PIBF1: variants seen among roughly 807,000 people sequenced by gnomAD.
PIBF1 encodes the protein progesterone immunomodulatory binding factor 1, also known as progesterone-induced-blocking factor 1.
Under a neutral mutation model 112.5 loss-of-function variants are expected in PIBF1, and 90 were observed. That is an observed-to-expected ratio of 0.80 (90% CI 0.67 to 0.95). The LOEUF (loss-of-function observed/expected upper bound fraction) is 0.95, where lower values mean the gene tolerates loss of function less well. Ranked by LOEUF, PIBF1 falls within the 40% of genes least tolerant of loss-of-function variation. The pLI is 0.00. For missense variants in PIBF1, 915 were observed against 852.3 expected (o/e 1.07, Z -0.92); for synonymous variants, 301 against 288.6 (o/e 1.04, Z -0.44).
At chr13:72,850,386 T>A (rs142943799) in intron 9 of PIBF1, among the ~76,000 whole-genome samples, 11 of 152,386 alleles carry the variant, frequency 7.2e-5, no homozygotes, top group African/African-American at 2.6e-4. Context: ...CTTCTCTTTG[T>A]GGCCATAGAA....
intron 8 of PIBF1, among the ~76,000 whole-genome samples, chr13:72,833,649 T>G (rs909968324): frequency 6.6e-6 from 1 of 152,178 alleles, no homozygotes; most frequent in Admixed American, 6.5e-5. Flanking sequence ...ACCTGCCAGA[T>G]GCCAACCAGA....
At chr13:73,004,961 G>T (rs1424906302) in intron 17 of PIBF1, among the ~76,000 whole-genome samples, 2 of 152,290 alleles carry the variant, frequency 1.3e-5, no homozygotes, top group South Asian at 4.1e-4. Flanking sequence ...AAGGTGTGGG[G>T]ATCACCTGAG....
Position 72,821,861 on chromosome 13 carries a change from G to C in PIBF1, c.685G>C (p.Asp229His). The C allele has an allele frequency of 1.9e-6, 3 of 1,611,222 alleles. No individual in the cohort carries two copies. The highest frequency in any genetic ancestry group is 2.5e-6 in the Non-Finnish European group (3 of 1,178,420). ...CTTTGGTTTATAGACATATGAGGAA[G>C]ATCGAAAAAACTACTCTGAAGTTCA... is the stretch of plus-strand genomic sequence containing the variant. ...LKQLTETYEE[D>H]RKNYSEVQIR... The change falls in exon 6 of 18, where the codon GAT (aspartate) becomes CAT (histidine). Residue 229 changes from aspartate to histidine, a missense_variant. By Grantham distance (81) the Asp-to-His change is moderately conservative (BLOSUM62 -1). Coordinates refer to ENST00000326291, the MANE Select transcript of PIBF1 (RefSeq NM_006346.4).
intron 13 of PIBF1, among the ~76,000 whole-genome samples, chr13:72,922,190 C>G (rs1017254350): frequency 1.3e-5 from 2 of 151,962 alleles, no homozygotes; most frequent in African/African-American, 4.8e-5. Context: ...GTTGCCCAGG[C>G]TGGTCTGGAG....
At chr13:72,861,375 A>G (rs957126073) in intron 10 of PIBF1, among the ~76,000 whole-genome samples, 2 of 152,242 alleles carry the variant, frequency 1.3e-5, no homozygotes, top group Admixed American at 1.3e-4. Context: ...ATTGTTTGAA[A>G]TTATGTTTTC....
At chr13:72,858,023 T>TTGCTTTGTGTGTGTGTGTGTGTGTG (rs71099760) in intron 10 of PIBF1, among the ~76,000 whole-genome samples, 6 of 141,222 alleles carry the variant, frequency 4.2e-5, no homozygotes, top group African/African-American at 1.6e-4. Context: ...CAAATGTACA[T>TTGCTTTGTGTGTGTGTGTGTGTGTG]TGTGTGTGTG....
chr13:72,949,300 C>CTTTTTTTTTTTTTTTTTTTTT (rs71099771), intron 14 of PIBF1, among the ~76,000 whole-genome samples: 4 of 54,980 alleles, frequency 7.3e-5, no homozygotes, highest in Non-Finnish European at 9.5e-5. Context: ...AAATAGCTGT[C>CTTTTTTTTTTTTTTTTTTTTT]TTTTTTTTTT....
intron 10 of PIBF1, among the ~76,000 whole-genome samples, chr13:72,878,653 G>T (rs1372094278): frequency 1.3e-5 from 2 of 152,152 alleles, no homozygotes; most frequent in African/African-American, 4.8e-5. Context: ...TTGATTGGTG[G>T]TGTTGAATTC....
In PIBF1 at chr13:72,983,180, G is replaced by GT. The variant is rs149104932; in HGVS notation, c.2049+9506dup. ...CCTAGCATGGTGGCACAAACCTGTA[G>GT]TACCAGCTACTCGGTTGGCTGTTGT... On this transcript the variant is annotated intron_variant, in intron 16 of 17. Coordinates refer to ENST00000326291, the MANE Select transcript of PIBF1 (RefSeq NM_006346.4). Among the ~76,000 whole-genome samples the GT allele has an allele frequency of 7.0e-3, 1,071 of 152,116 alleles. 15 individuals carry two copies. The highest frequency in any genetic ancestry group is 0.025 in the African/African-American group (1,033 of 41,504).
intron 11 of PIBF1, among the ~76,000 whole-genome samples, chr13:72,895,497 A>G (rs1431244505): frequency 6.6e-6 from 1 of 151,936 alleles, no homozygotes; most frequent in Non-Finnish European, 1.5e-5. Flanking sequence ...TTTCCAAGAA[A>G]TGAAATGCAA....
At chr13:72,988,069 G>A (rs1045576340) in intron 16 of PIBF1, among the ~76,000 whole-genome samples, 1 of 150,792 alleles carries the variant, frequency 6.6e-6, no homozygotes, top group Middle Eastern at 3.2e-3. Flanking sequence ...CACCATGCTG[G>A]CCAGGATGGT....
rs777287638 is a variant in PIBF1 at position 72,908,675 on chromosome 13, G to T, written c.1633G>T (p.Ala545Ser). 2 of 1,610,530 alleles carry T rather than the reference G, an allele frequency of 1.2e-6. No individual in the cohort carries two copies. The highest frequency in any genetic ancestry group is 1.7e-6 in the Non-Finnish European group (2 of 1,178,518). ...GCTTGATGAAATAATAATGCAAACT[G>T]CAGAAAGTAAGTCTTCCCCCACACA... ...KELDEIIMQT[A>S]EIENEDEAER... is the part of the protein sequence containing the mutation. Residue 545 changes from alanine to serine, a missense_variant, in exon 12 of 18, where the codon GCA (alanine) becomes TCA (serine). Physicochemically the swap from Ala to Ser is moderately conservative, Grantham distance 99. Coordinates refer to ENST00000326291, the MANE Select transcript of PIBF1 (RefSeq NM_006346.4).
At chr13:72,871,079 A>G (rs73218757) in intron 10 of PIBF1, among the ~76,000 whole-genome samples, 1 of 152,288 alleles carries the variant, frequency 6.6e-6, no homozygotes, top group African/African-American at 2.4e-5. Flanking sequence ...ATGATTGGTA[A>G]CTATGGCCTG....
intron 5 of PIBF1, among the ~76,000 whole-genome samples, chr13:72,813,971 G>A (rs1400030530): frequency 6.6e-6 from 1 of 152,066 alleles, no homozygotes; most frequent in East Asian, 1.9e-4. Flanking sequence ...AAAATCTATG[G>A]ATTACTCCCT....
intron 10 of PIBF1, among the ~76,000 whole-genome samples, chr13:72,858,177 G>A (rs1198126102): frequency 3.3e-5 from 5 of 151,878 alleles, no homozygotes; most frequent in Non-Finnish European, 5.9e-5. Context: ...TCAGCCCCCT[G>A]AGTAGCTGGG....
chr13:72,840,874 T>TA (rs1197949757), intron 9 of PIBF1, among the ~76,000 whole-genome samples: 1 of 152,220 alleles, frequency 6.6e-6, no homozygotes, highest in Non-Finnish European at 1.5e-5. Context: ...ATGAAATATA[T>TA]TTTGCCTTTA....
chr13:72,806,122 A>T (rs111606378), intron 5 of PIBF1, among the ~76,000 whole-genome samples: 3,342 of 152,316 alleles, frequency 0.022, 138 homozygotes, highest in African/African-American at 0.076. Context: ...TTCAGTAAAG[A>T]ATACTCACAT....
intron 5 of PIBF1, among the ~76,000 whole-genome samples, chr13:72,803,342 G>A (rs916821627): frequency 2.6e-5 from 4 of 151,062 alleles, no homozygotes; most frequent in Admixed American, 6.6e-5. Context: ...TCTCATTGTC[G>A]ACAACGGTAG....
At chr13:72,869,019 G>A (rs963289598) in intron 10 of PIBF1, among the ~76,000 whole-genome samples, 2 of 152,062 alleles carry the variant, frequency 1.3e-5, no homozygotes, top group Non-Finnish European at 2.9e-5. Flanking sequence ...CTGTTGGTGG[G>A]ACTGTAAACT....
Sources: gnomAD v4.1 joint callset for allele counts (sites outside exome capture counted in the v4.1 genomes callset) on GRCh38, gnomAD v4.1.1 for gene constraint, MANE v1.5 for transcripts, NCBI Gene and HGNC (gene_info 2026-07-23, HGNC 2026-07-21) for gene names.